The following CLUH variants were observed in gnomAD, a reference collection of about 807,000 sequenced individuals.
CLUH encodes the protein CLUH binding protein of NUMT mRNA.
Under a neutral mutation model 139.3 loss-of-function variants are expected in CLUH, and 77 were observed. The ratio of observed to expected loss-of-function variants is 0.55; its 90% CI spans 0.46 to 0.67. CLUH has a LOEUF of 0.67. CLUH is among the 30% of genes least tolerant of loss of function. The probability of loss-of-function intolerance (pLI) is 0.00; values close to 1 mark genes in which losing one functional copy is unlikely to be tolerated. For missense variants in CLUH, 1,876 were observed against 1,875.8 expected (o/e 1.00, Z 0.00); for synonymous variants, 999 against 801.6 (o/e 1.25, Z -4.16).
rs1597589855 is a variant in CLUH, at chr17:2,690,250, G to A, written c.*344C>T. On this transcript the variant is annotated 3_prime_UTR_variant, in exon 26 of 26. Coordinates refer to ENST00000651024, the MANE Select transcript of CLUH (RefSeq NM_001366661.1). ...CAGGACTGGCTCGGGCTATGTACAG[G>A]GGAGAGGAACGGTCAACACTCACAG... 3.6e-6 allele frequency: 1 copy of A among 275,892 alleles called. No individual in the cohort carries two copies. Among genetic ancestry groups the A allele is most frequent in the Non-Finnish European group, 6.8e-6 (1 of 147,460 alleles). The allele number at this position is 275,892 out of a possible 1,614,324, so 17.1% of individuals were successfully genotyped here. A position where few individuals can be genotyped will look rare whatever the true frequency, so the allele number is the denominator to read the frequency against.
rs1039864199 is a variant in CLUH, at chr17:2,704,255, C to T, written c.303+107G>A. 2 of 1,217,362 alleles carry T rather than the reference C, an allele frequency of 1.6e-6. No individual in the cohort carries two copies. Among genetic ancestry groups the T allele is most frequent in the Admixed American group, 2.4e-5 (1 of 41,956 alleles). The allele number at this position is 1,217,362 out of a possible 1,614,324, so 75.4% of individuals were successfully genotyped here. A position where few individuals can be genotyped will look rare whatever the true frequency, so the allele number is the denominator to read the frequency against. ...AGGGAGGGCACGGGATCCTCAGTTT[C>T]CTGCCACAAAATGGGGCCGGTAGGA... On this transcript the variant is annotated intron_variant, in intron 2 of 25. Coordinates refer to ENST00000651024, the MANE Select transcript of CLUH (RefSeq NM_001366661.1). The surrounding 1 kb of genome is among the most constrained non-coding windows in gnomAD (Gnocchi z 5.7).
chr17:2,697,007 C>A (rs552674490), intron 10 of CLUH, 65 bp from the exon 11 acceptor site: 1 of 1,282,946 alleles, frequency 7.8e-7, no homozygotes, highest in Non-Finnish European at 1.1e-6. Flanking sequence ...TGCTGGCCCA[C>A]GGCTCCCGGC....
rs2070295982 is a variant in CLUH at position 2,704,659 on chromosome 17, G to A, written c.101-95C>T. On this transcript the variant is annotated intron_variant, in intron 1 of 25. Coordinates refer to ENST00000651024, the MANE Select transcript of CLUH (RefSeq NM_001366661.1). The surrounding 1 kb of genome is among the most constrained non-coding windows in gnomAD (Gnocchi z 5.7). ...CACGGGGACACGTGCCTTCTGGAAAGGCATCTGCATGCCCTCGAGAGTCCC... is the reference window on the plus strand; with the variant it reads ...CACGGGGACACGTGCCTTCTGGAAAAGCATCTGCATGCCCTCGAGAGTCCC... 1.6e-6 allele frequency: 2 copies of A among 1,226,360 alleles called. No homozygotes were observed. The highest frequency in any genetic ancestry group is 1.1e-6 in the Non-Finnish European group (1 of 895,872). 76.0% of individuals were successfully genotyped at this position (1,226,360 alleles called of 1,614,324 possible).
chr17:2,696,589 G>A (rs981493290), intron 11 of CLUH, 51 bp from the exon 12 acceptor site: 23 of 1,531,332 alleles, frequency 1.5e-5, no homozygotes, highest in African/African-American at 2.7e-5. Context: ...CACCGGTGGA[G>A]CTGGGCTGCG....
At chr17:2,705,990 G>A (rs993727460) in intron 1 of CLUH, among the ~76,000 whole-genome samples, 18 of 150,892 alleles carry the variant, frequency 1.2e-4, no homozygotes, top group African/African-American at 4.2e-4. Flanking sequence ...TCTGTCCATG[G>A]GCCAGGCTCA....
At position 2,690,586 on chromosome 17, in the gene CLUH, C is replaced by CAG. The variant is rs771753994; in HGVS notation, c.*7_*8insCT. ...GGCCGCTGGCTGGCTGTCCGTCTGG[C>CAG]TCCCTCTCTATCCCTGCACGCTCGG... On this transcript the variant is annotated 3_prime_UTR_variant, in exon 26 of 26. Transcript: ENST00000651024. 14 of 1,449,564 alleles carry CAG rather than the reference C, an allele frequency of 9.7e-6. No individual in the cohort carries two copies. In the Admixed American group the frequency reaches 3.1e-4, roughly 32 times the overall value. The allele number at this position is 1,449,564 out of a possible 1,614,324, so 89.8% of individuals were successfully genotyped here.
At position 2,707,067 on chromosome 17, in the gene CLUH, C is replaced by A. The variant is rs2070372338; in HGVS notation, c.101-2503G>T. ...CTCTCCCCAGGACAGCATGTTTTAC[C>A]CTAATCCTTCCTCCTAGGAACCCCG... On this transcript the variant is annotated intron_variant, in intron 1 of 25. Transcript: ENST00000651024. The surrounding 1 kb of genome is among the most constrained non-coding windows in gnomAD (Gnocchi z 7.4). 2 of 598,842 alleles carry A rather than the reference C, an allele frequency of 3.3e-6. No individual in the cohort carries two copies. The highest frequency in any genetic ancestry group is 4.2e-6 in the Non-Finnish European group (2 of 476,584). The allele number at this position is 598,842 out of a possible 1,614,324, so 37.1% of individuals were successfully genotyped here.
rs1666074042 is a variant in CLUH at position 2,703,857 on chromosome 17, A to T, written c.304-368T>A. Among the ~76,000 whole-genome samples, 1 of 152,180 alleles carries T rather than the reference A, an allele frequency of 6.6e-6. No individual in the cohort carries two copies. The highest frequency in any genetic ancestry group is 1.5e-5 in the Non-Finnish European group (1 of 68,028). On this transcript the variant is annotated intron_variant, in intron 2 of 25. Transcript: ENST00000651024. The surrounding 1 kb of genome is among the most constrained non-coding windows in gnomAD (Gnocchi z 4.2). ...TGCCCAGTGCTAAGGTGCCTGGGGC[A>T]AATGGCTTTCCCCTTCCAGAAGGGG...
In CLUH at chr17:2,704,711, G is replaced by C; in HGVS notation, c.101-147C>G. On this transcript the variant is annotated intron_variant, in intron 1 of 25. Coordinates refer to ENST00000651024, the MANE Select transcript of CLUH (RefSeq NM_001366661.1). The surrounding 1 kb of genome is among the most constrained non-coding windows in gnomAD (Gnocchi z 5.7). ...GCCTCACGGTCGCGCCTCGCCCTCC[G>C]TGCACCTGCAGGCCACTTCCACACC... 1.3e-6 allele frequency: 1 copy of C among 757,646 alleles called. No homozygotes were observed. The highest frequency in any genetic ancestry group is 2.1e-6 in the Non-Finnish European group (1 of 477,898). 46.9% of individuals were successfully genotyped at this position (757,646 alleles called of 1,614,324 possible).
At position 2,698,426 on chromosome 17, in the gene CLUH, G is replaced by A. The variant is rs752806033; in HGVS notation, c.1431C>T (p.Phe477=). ...CCACGTAGGCCGCCACGTCCCCCCC[G>A]AAGTCCTTGTAGTGGTCTCGGACGT... The part of the protein sequence containing the change: ...GFDVRDHYKD[F]GGDVAAYVAP... The change falls in exon 10 of 26, where the codon TTC becomes TTT. Residue 477 remains phenylalanine, a synonymous_variant. Coordinates refer to ENST00000651024, the MANE Select transcript of CLUH (RefSeq NM_001366661.1). 3 of 1,613,336 alleles carry A rather than the reference G, an allele frequency of 1.9e-6. No individual in the cohort carries two copies. Among genetic ancestry groups the A allele is most frequent in the Admixed American group, 1.7e-5 (1 of 60,020 alleles).
intron 4 of CLUH, 76 bp from the exon 5 acceptor site, chr17:2,701,813 T>G: frequency 6.4e-7 from 1 of 1,570,420 alleles, no homozygotes; most frequent in Non-Finnish European, 8.6e-7. Context: ...ATGGCCGTGG[T>G]CCGGGTGCCT....
chr17:2,691,395 C>T (rs1306458497), intron 25 of CLUH, among the ~76,000 whole-genome samples: 1 of 152,110 alleles, frequency 6.6e-6, no homozygotes, highest in East Asian at 1.9e-4. Flanking sequence ...AACCCCATCT[C>T]TACTACAAAC....
rs1174334009 is a variant in CLUH at position 2,691,779 on chromosome 17, G to A, written c.3771C>T (p.Ala1257=). The change falls in exon 24 of 26, where the codon GCC becomes GCT. Residue 1257 remains alanine, a synonymous_variant. Transcript: ENST00000651024. The part of the protein sequence containing the change: ...MNEIYRNGSS[A]NIPPLKFTAP... ...GACTCACCTTGAGGGGCGGGATGTT[G>A]GCGCTGGAGCCGTTGCGGTAGATCT... 6.3e-7 allele frequency: 1 copy of A among 1,593,910 alleles called. No individual in the cohort carries two copies. The highest frequency in any genetic ancestry group is 1.8e-5 in the Admixed American group (1 of 56,858).
In CLUH at chr17:2,692,050, G is replaced by A. The variant is rs765438903; in HGVS notation, c.3608C>T (p.Ser1203Leu). The A allele has an allele frequency of 3.1e-6, 5 of 1,604,002 alleles. No individual in the cohort carries two copies. Among genetic ancestry groups the A allele is most frequent in the South Asian group, 2.2e-5 (2 of 89,674 alleles). ...ACCCTCCTTCTCGTGCTGCAGGGCCGACCGGAACTCAGCTTTGCTCTCGTA... is the reference window on the plus strand; with the variant it reads ...ACCCTCCTTCTCGTGCTGCAGGGCCAACCGGAACTCAGCTTTGCTCTCGTA... The part of the protein sequence containing the change: ...RVYESKAEFR[S>L]ALQHEKEGYT... The change falls in exon 23 of 26, where the codon TCG becomes TTG. Residue 1203 changes from serine to leucine, a missense_variant. By Grantham distance (145) the Ser-to-Leu change is moderately radical (BLOSUM62 -2). Transcript: ENST00000651024.
rs1445078084 is a variant in CLUH, at chr17:2,695,086, C to T, written c.2623G>A (p.Gly875Ser). Residue 875 changes from glycine to serine, a missense_variant, in exon 16 of 26, where the codon GGC becomes AGC. This residue lies in a region of CLUH where 1,454 missense variants were observed against 1,384.4 expected (regional missense o/e 1.05). Transcript: ENST00000651024. ...KTYLQGVELS[G>S]LSAAISHFLN... ...AAGTGGCTGATGGCGGCTGAGAGGC[C>T]GGAGAGCTCGACTCCCTGCGAGGCA... is the stretch of plus-strand genomic sequence containing the variant. 19 of 1,611,868 alleles carry T rather than the reference C, an allele frequency of 1.2e-5. No homozygotes were observed. Among genetic ancestry groups the T allele is most frequent in the Admixed American group, 1.7e-5 (1 of 59,630 alleles).
intron 3 of CLUH, 128 bp from the exon 4 acceptor site, chr17:2,702,185 C>T: frequency 8.8e-7 from 1 of 1,138,742 alleles, no homozygotes; most frequent in Non-Finnish European, 1.2e-6. Flanking sequence ...TTTCCGTTTT[C>T]AAATTCCACT....
intron 19 of CLUH, among the ~76,000 whole-genome samples, chr17:2,693,630 T>C (rs2069807263): frequency 7.1e-6 from 1 of 141,358 alleles, no homozygotes. Context: ...TCCTGCCCAC[T>C]CACGGAGTCT....
Position 2,689,417 on chromosome 17 carries a change from A to G in CLUH, c.*1177T>C, listed in dbSNP as rs1284215385. The G allele has an allele frequency of 1.3e-5, 2 of 152,548 alleles. No homozygotes were observed. The highest frequency in any genetic ancestry group is 4.8e-5 in the African/African-American group (2 of 41,422). 9.4% of individuals were successfully genotyped at this position (152,548 alleles called of 1,614,324 possible). Reference sequence around the variant, plus strand: ...GGTTTCAAAAACTCACTTTATTCCAATGTGAAATGAGGACGTGATGGTTTA... The same window carrying G: ...GGTTTCAAAAACTCACTTTATTCCAGTGTGAAATGAGGACGTGATGGTTTA... On this transcript the variant is annotated 3_prime_UTR_variant, in exon 26 of 26. Coordinates refer to ENST00000651024, the MANE Select transcript of CLUH (RefSeq NM_001366661.1).
At chr17:2,708,391 C>G (rs1055306816) in intron 1 of CLUH, among the ~76,000 whole-genome samples, 1 of 152,074 alleles carries the variant, frequency 6.6e-6, no homozygotes, top group Non-Finnish European at 1.5e-5. Context: ...TGGCAGTGAC[C>G]CCAGAGAAGT....
Sources: allele counts gnomAD v4.1 joint callset (sites outside exome capture counted in the v4.1 genomes callset), GRCh38; gene constraint gnomAD v4.1.1; regional missense constraint gnomAD v4.1.1; non-coding constraint Gnocchi (gnomAD v3.1); transcripts MANE v1.5; gene names NCBI Gene and HGNC (gene_info 2026-07-23, HGNC 2026-07-21).